Variants in ZNF558 observed in about 807,000 individuals in gnomAD.
ZNF558 encodes the protein zinc finger protein 558.
Under a neutral mutation model 37.6 loss-of-function variants are expected in ZNF558, and 23 were observed. The ratio of observed to expected loss-of-function variants is 0.61; its 90% confidence interval spans 0.44 to 0.87. The LOEUF is 0.87. ZNF558 is among the 40% of genes least tolerant of loss of function. ZNF558 has a pLI of 0.00. For missense variants in ZNF558, 429 were observed against 483.7 expected, an observed-to-expected ratio of 0.89 and a Z score of 1.06; for synonymous variants, 189 against 174.4, an observed-to-expected ratio of 1.08 and a Z score of -0.66.
At chr19:8,834,134 C>T (rs910692604), upstream of ZNF558, among the ~76,000 whole-genome samples, 1 of 152,144 alleles carries the variant, frequency 6.6e-6, no homozygotes, top group Non-Finnish European at 1.5e-5. Context: ...GTTTCATGCA[C>T]CCGTCCTTTC....
Position 8,813,242 on chromosome 19 carries a change from A to G in ZNF558, c.248-20T>C, listed in dbSNP as rs1555769087. The G allele has an allele frequency of 6.4e-7, 1 of 1,556,714 alleles. No individual in the cohort carries two copies. Among genetic ancestry groups the G allele is most frequent in the East Asian group, 2.3e-5 (1 of 43,316 alleles). On this transcript the variant is annotated intron_variant, in intron 7 of 9. Transcript: ENST00000601372. ...GACACCCTATTTATGGAAACAATACACATGATATAGGTAACAGTGCTGGGG... is the reference window on the plus strand; with the variant it reads ...GACACCCTATTTATGGAAACAATACGCATGATATAGGTAACAGTGCTGGGG...
upstream of ZNF558, among the ~76,000 whole-genome samples, chr19:8,835,691 T>C (rs1466309685): frequency 2.2e-5 from 2 of 89,318 alleles, no homozygotes; most frequent in African/African-American, 6.5e-5. Flanking sequence ...CCAAGAGAAA[T>C]GAAAACATGT....
chr19:8,831,095 ATGTT>A (rs759110712), intron 2 of ZNF558: 12 of 152,202 alleles, frequency 7.9e-5, no homozygotes, highest in Non-Finnish European at 1.3e-4. Flanking sequence ...CGTTATTTGT[ATGTT>A]TGTTTTGTGG....
Position 8,822,944 on chromosome 19 carries a change from C to A in ZNF558, c.-65-220G>T. 2.1e-6 allele frequency: 1 copy of A among 485,008 alleles called. No individual in the cohort carries two copies. Among genetic ancestry groups the A allele is most frequent in the Non-Finnish European group, 3.8e-6 (1 of 264,982 alleles). 30.0% of individuals were successfully genotyped at this position (485,008 alleles called of 1,614,324 possible). A position where few individuals can be genotyped will look rare whatever the true frequency, so the allele number is the denominator to read the frequency against. ...CACAACGACCAGTACCTCCCTGACC[C>A]ACCCGCTTTGAGAACCTCGGCTTCA... On this transcript the variant is annotated intron_variant, in intron 4 of 9. Coordinates refer to ENST00000601372, the MANE Select transcript of ZNF558 (RefSeq NM_144693.3). This position sits in a 1 kb window ranked among gnomAD's most constrained non-coding sequence, Gnocchi z 4.4.
upstream of ZNF558, among the ~76,000 whole-genome samples, chr19:8,834,613 AAAAC>A (rs1215286110): frequency 1.2e-3 from 184 of 151,560 alleles, no homozygotes; most frequent in African/African-American, 3.9e-3. Context: ...TCAAAAAAAA[AAAAC>A]AAACCAAAAC....
At chr19:8,831,619 T>C (rs2044357986) in intron 1 of ZNF558, among the ~76,000 whole-genome samples, 1 of 152,236 alleles carries the variant, frequency 6.6e-6, no homozygotes, top group African/African-American at 2.4e-5. Context: ...CTTAACGCTG[T>C]GTGCATTTGA....
intron 2 of ZNF558, among the ~76,000 whole-genome samples, chr19:8,827,571 C>CTTTTTTTTTT (rs386388513): frequency 3.2e-5 from 3 of 94,080 alleles, no homozygotes; most frequent in Non-Finnish European, 6.2e-5. Flanking sequence ...TTTCCCTATT[C>CTTTTTTTTTT]TTTTTTTTTT....
At chr19:8,828,538 C>A (rs1460631187) in intron 2 of ZNF558, among the ~76,000 whole-genome samples, 1 of 152,204 alleles carries the variant, frequency 6.6e-6, no homozygotes, top group Non-Finnish European at 1.5e-5. Flanking sequence ...ATCTTTGAAT[C>A]TACCTATGAC....
chr19:8,812,192 T>G, intron 9 of ZNF558, 129 bp from the exon 10 acceptor site: 3 of 890,462 alleles, frequency 3.4e-6, no homozygotes, highest in Non-Finnish European at 4.8e-6. Flanking sequence ...CTTTCAGTGG[T>G]TGTATGTGAT....
intron 2 of ZNF558, chr19:8,830,989 A>G (rs1037614640): frequency 6.6e-6 from 1 of 152,222 alleles, no homozygotes; most frequent in African/African-American, 2.4e-5. Context: ...CACTACATAT[A>G]CATGTAAATA....
At chr19:8,815,400 G>A (rs1420156251) in intron 7 of ZNF558, among the ~76,000 whole-genome samples, 1 of 152,138 alleles carries the variant, frequency 6.6e-6, no homozygotes, top group Admixed American at 6.6e-5. Context: ...TAGCTGAAAT[G>A]AAACATTCAG....
intron 7 of ZNF558, among the ~76,000 whole-genome samples, chr19:8,817,568 C>T (rs1322586022): frequency 2.0e-5 from 3 of 150,576 alleles, no homozygotes; most frequent in African/African-American, 7.4e-5. Context: ...GCATTTTTGA[C>T]TTATGGTATT....
intron 2 of ZNF558, among the ~76,000 whole-genome samples, chr19:8,826,560 G>A (rs993009980): frequency 3.9e-5 from 6 of 152,016 alleles, no homozygotes; most frequent in South Asian, 2.1e-4. Flanking sequence ...GCCACTGATC[G>A]GCCAGGAGGT....
Position 8,811,299 on chromosome 19 carries a change from T to C in ZNF558, c.1191A>G (p.Ile397Met). ...CAGTAATTCATATCCATCTATTATG[T>C]ATTCTCTTGTGCACAGAAAGATAGG... ...SNSYLSVHKRIHNRWI is the reference protein window; with the variant it reads ...SNSYLSVHKRMHNRWI The change falls in exon 10 of 10, where the codon ATA (isoleucine) becomes ATG (methionine). Residue 397 changes from isoleucine (I) to methionine (M), a missense_variant. By Grantham distance (10) the Ile-to-Met change is conservative. Transcript: ENST00000601372. 1 of 1,582,448 alleles carries C rather than the reference T, an allele frequency of 6.3e-7. No individual in the cohort carries two copies. Among genetic ancestry groups the C allele is most frequent in the Middle Eastern group, 1.7e-4 (1 of 5,854 alleles).
chr19:8,817,816 T>A (rs1223390090), intron 7 of ZNF558, among the ~76,000 whole-genome samples: 1 of 152,166 alleles, frequency 6.6e-6, no homozygotes, highest in African/African-American at 2.4e-5. Context: ...ATGTGCCTAA[T>A]AAGAACTCCA....
At chr19:8,814,836 T>G (rs782625678) in intron 7 of ZNF558, among the ~76,000 whole-genome samples, 2 of 152,202 alleles carry the variant, frequency 1.3e-5, no homozygotes, top group Non-Finnish European at 2.9e-5. Flanking sequence ...AATACAGACA[T>G]TACAAAGTTA....
At chr19:8,823,789 A>C (rs1305151226) in intron 4 of ZNF558, 1 of 152,474 alleles carries the variant, frequency 6.6e-6, no homozygotes, top group East Asian at 2.0e-4. Context: ...GCGTGACTTC[A>C]ATCATCCACC....
Position 8,810,170 on chromosome 19 carries a change from T to C in ZNF558, c.*1111A>G, listed in dbSNP as rs1306011788. On this transcript the variant is annotated 3_prime_UTR_variant, in exon 10 of 10. Transcript: ENST00000601372. ...TAGAAAAACAGAAAGCTCTCCAATA[T>C]TGATGATGTTCAATGGGGCATTCTC... 1 of 152,216 alleles carries C rather than the reference T, an allele frequency of 6.6e-6. No homozygotes were observed. The highest frequency in any genetic ancestry group is 2.4e-5 in the African/African-American group (1 of 41,464). The allele number at this position is 152,216 out of a possible 1,614,324, so 9.4% of individuals were successfully genotyped here.
rs368554658 is a variant in ZNF558 at position 8,815,860 on chromosome 19, TG to T, written c.248-2639del. On this transcript the variant is annotated intron_variant, in intron 7 of 9. Transcript: ENST00000601372. ...AAAGATGAACAGAGCCTGAGACCTT[TG>T]GGATACCATCGAACCTACCAACATA... Among the ~76,000 whole-genome samples the T allele has an allele frequency of 1.4e-4, 21 of 152,070 alleles. No homozygotes were observed. The South Asian group carries it at 4.4e-3, about 32-fold the overall frequency.
Sources: gnomAD v4.1 joint callset for allele counts (sites outside exome capture counted in the v4.1 genomes callset) on GRCh38, gnomAD v4.1.1 for gene constraint, Gnocchi (gnomAD v3.1) non-coding constraint, MANE v1.5 for transcripts, NCBI Gene and HGNC (gene_info 2026-07-23, HGNC 2026-07-21) for gene names.